STX19: variants seen among roughly 807,000 people sequenced by gnomAD.
The protein encoded by STX19 is syntaxin-19.
STX19 carries 26 observed loss-of-function variants against 24.3 expected under a neutral mutation model. The observed-to-expected ratio is 1.07, with a 90% CI of 0.78 to 1.48. The LOEUF is 1.48. STX19 is among the 40% of genes most tolerant of loss of function. The probability of loss-of-function intolerance (pLI) is 0.00; values close to 1 mark genes in which losing one functional copy is unlikely to be tolerated. For synonymous variants in STX19, 116 were observed against 106.9 expected (o/e 1.09, Z -0.52); for missense variants, 367 against 331.9 (o/e 1.11, Z -0.82).
At chr3:94,027,237 T>C (rs569709031) in intron 1 of STX19, among the ~76,000 whole-genome samples, 3 of 152,172 alleles carry the variant, frequency 2.0e-5, no homozygotes, top group South Asian at 4.1e-4. Flanking sequence ...GAGGATCTTA[T>C]TGTAATATAT....
chr3:94,019,773 T>A (rs1011928588), intron 1 of STX19, among the ~76,000 whole-genome samples: 4 of 152,134 alleles, frequency 2.6e-5, no homozygotes, highest in Admixed American at 6.5e-5. Flanking sequence ...CCTACAACTC[T>A]CCCTTTCTCT....
intron 1 of STX19, among the ~76,000 whole-genome samples, chr3:94,027,226 A>G (rs570902825): frequency 6.6e-6 from 1 of 152,216 alleles, no homozygotes; most frequent in African/African-American, 2.4e-5. Context: ...AAGTGAAAGC[A>G]GAGGATCTTA....
chr3:94,015,131 C>T lies in STX19; in HGVS notation c.139G>A (p.Ala47Thr), dbSNP rs773291407. ...QAVIYEREPV[A>T]ERHLHEIQKL... is the part of the protein sequence containing the mutation. ...TGGATTTCATGTAGGTGTCTCTCAG[C>T]TACAGGCTCTCTTTCATAAATAACA... The change falls in exon 2 of 2, where the codon GCT becomes ACT. Residue 47 changes from alanine to threonine, a missense_variant. Coordinates refer to ENST00000315099, the MANE Select transcript of STX19 (RefSeq NM_001001850.3). The T allele has an allele frequency of 4.3e-6, 7 of 1,613,982 alleles. No individual in the cohort carries two copies. Among genetic ancestry groups the T allele is most frequent in the Non-Finnish European group, 5.1e-6 (6 of 1,179,934 alleles).
At chr3:94,017,938 A>T (rs1160203177) in intron 1 of STX19, among the ~76,000 whole-genome samples, 1 of 152,256 alleles carries the variant, frequency 6.6e-6, no homozygotes, top group Non-Finnish European at 1.5e-5. Flanking sequence ...CATGGACCAC[A>T]TCATAAAGGA....
intron 1 of STX19, among the ~76,000 whole-genome samples, chr3:94,022,820 A>C (rs2076476473): frequency 6.6e-6 from 1 of 152,114 alleles, no homozygotes; most frequent in Non-Finnish European, 1.5e-5. Flanking sequence ...ATAGATCAAG[A>C]AACATATAAC....
chr3:94,014,464 C>A lies in STX19; in HGVS notation c.806G>T (p.Gly269Val), dbSNP rs780149637. ...TCTTTTTTTGTATTTTACAGCTAGT[C>A]CAAATTTCTCTTTAGTATTGTTAAC... ...EYVNNTKEKF[G>V]LAVKYKKRNP... The change falls in exon 2 of 2, where the codon GGA becomes GTA. Residue 269 changes from glycine (G) to valine (V), a missense_variant. Physicochemically the swap from Gly to Val is moderately radical, Grantham distance 109 (BLOSUM62 -3). Transcript: ENST00000315099. The A allele has an allele frequency of 4.4e-6, 7 of 1,604,344 alleles. No individual in the cohort carries two copies. The highest frequency in any genetic ancestry group is 2.2e-5 in the East Asian group (1 of 44,810).
intron 1 of STX19, among the ~76,000 whole-genome samples, chr3:94,027,576 A>G (rs1415114427): frequency 1.3e-5 from 2 of 152,108 alleles, no homozygotes; most frequent in Non-Finnish European, 2.9e-5. Flanking sequence ...TACGTGGCCA[A>G]TTCTCAAGTC....
At chr3:94,026,570 T>C (rs532132532) in intron 1 of STX19, among the ~76,000 whole-genome samples, 1 of 152,340 alleles carries the variant, frequency 6.6e-6, no homozygotes, top group East Asian at 1.9e-4. Context: ...TGAATTAGAA[T>C]GTTAGGCAAA....
chr3:94,021,727 T>C (rs949428506), intron 1 of STX19, among the ~76,000 whole-genome samples: 13 of 152,188 alleles, frequency 8.5e-5, no homozygotes, highest in Admixed American at 8.5e-4. Flanking sequence ...CTTCCTAGTG[T>C]TCATTTTGTG....
chr3:94,018,212 TA>T (rs1256219568), intron 1 of STX19, among the ~76,000 whole-genome samples: 1 of 140,840 alleles, frequency 7.1e-6, no homozygotes, highest in African/African-American at 2.7e-5. Flanking sequence ...TTTATATTTT[TA>T]AAAGATGTTG....
chr3:94,016,535 T>G (rs898935181), intron 1 of STX19, among the ~76,000 whole-genome samples: 2 of 152,162 alleles, frequency 1.3e-5, no homozygotes, highest in African/African-American at 4.8e-5. Context: ...AGGAATAGAT[T>G]TAAAATATTT....
intron 1 of STX19, among the ~76,000 whole-genome samples, chr3:94,017,385 GAGCTGCTTCATGAGGTGCTGAGTTTGC>G (rs1352203736): frequency 2.6e-5 from 4 of 152,162 alleles, no homozygotes; most frequent in African/African-American, 9.7e-5. Flanking sequence ...AAGATGAAAT[GAGCTGCTTCATGAGGTGCTGAGTTTGC>G]CATCACTGGA....
chr3:94,026,020 T>C (rs2076548796), intron 1 of STX19, among the ~76,000 whole-genome samples: 1 of 149,860 alleles, frequency 6.7e-6, no homozygotes, highest in South Asian at 2.1e-4. Context: ...TGAAAACTTC[T>C]CTTTTTTTTT....
At chr3:94,019,873 G>A (rs2076412305) in intron 1 of STX19, among the ~76,000 whole-genome samples, 1 of 152,122 alleles carries the variant, frequency 6.6e-6, no homozygotes, top group Admixed American at 6.5e-5. Context: ...TCTATTTGAA[G>A]TGTTCTTTCC....
At chr3:94,017,844 CAG>C (rs1275998990) in intron 1 of STX19, among the ~76,000 whole-genome samples, 1 of 151,980 alleles carries the variant, frequency 6.6e-6, no homozygotes, top group South Asian at 2.1e-4. Flanking sequence ...GTTTTAGGAA[CAG>C]AGTTATTGCA....
Position 94,014,943 on chromosome 3 carries a change from C to G in STX19, c.327G>C (p.Leu109Phe). The change falls in exon 2 of 2, where the codon TTG (leucine) becomes TTC (phenylalanine). Residue 109 changes from leucine to phenylalanine, a missense_variant. Transcript: ENST00000315099. ...TTTTAACTTCTTTAACTAAATCATT[C>G]AAACTTCTGTTGATGTATTCTGCCT... ...KIQAEYINRS[L>F]NDLVKEVKKS... 1 of 1,613,778 alleles carries G rather than the reference C, an allele frequency of 6.2e-7. No homozygotes were observed.
At chr3:94,024,989 A>G (rs1381632070) in intron 1 of STX19, among the ~76,000 whole-genome samples, 1 of 152,200 alleles carries the variant, frequency 6.6e-6, no homozygotes, top group African/African-American at 2.4e-5. Context: ...TTGCTATTGG[A>G]GCACAGTGTA....
At chr3:94,027,112 TTAAATA>T (rs1428368882) in intron 1 of STX19, among the ~76,000 whole-genome samples, 113 of 152,188 alleles carry the variant, frequency 7.4e-4, no homozygotes, top group African/African-American at 2.6e-3. Context: ...ACTGTAATGA[TTAAATA>T]AAACATTTCA....
chr3:94,027,484 T>G (rs2076581991), intron 1 of STX19, among the ~76,000 whole-genome samples: 1 of 152,070 alleles, frequency 6.6e-6, no homozygotes, highest in Non-Finnish European at 1.5e-5. Flanking sequence ...TTTATCTGAT[T>G]CAAGTAAGCT....
Sources: gnomAD v4.1 joint callset for allele counts (sites outside exome capture counted in the v4.1 genomes callset) on GRCh38, gnomAD v4.1.1 for gene constraint, MANE v1.5 for transcripts, NCBI Gene and HGNC (gene_info 2026-07-23, HGNC 2026-07-21) for gene names.